Variants in RB1CC1 observed in about 807,000 individuals in gnomAD.
The protein encoded by RB1CC1 is RB1-inducible coiled-coil protein 1.
Under a neutral mutation model 177.5 loss-of-function variants are expected in RB1CC1, and 46 were observed. The observed-to-expected ratio is 0.26, with a 90% CI of 0.20 to 0.33. The LOEUF (loss-of-function observed/expected upper bound fraction) is 0.33, where lower values mean the gene tolerates loss of function less well. Ranked by LOEUF, RB1CC1 falls within the 10% of genes least tolerant of loss-of-function variation. The probability of loss-of-function intolerance (pLI) is 1.00; values close to 1 mark genes in which losing one functional copy is unlikely to be tolerated. For missense variants in RB1CC1, 1,703 were observed against 1,816.3 expected (o/e 0.94, Z 1.13); for synonymous variants, 666 against 613.6 (o/e 1.09, Z -1.26).
chr8:52,686,386 G>C (rs562599307), intron 2 of RB1CC1, among the ~76,000 whole-genome samples: 1 of 152,188 alleles, frequency 6.6e-6, no homozygotes, highest in South Asian at 2.1e-4. Context: ...TGCACAAAAT[G>C]TTTAAAAAAA....
intron 20 of RB1CC1, 29 bp downstream of exon 20, chr8:52,634,892 G>C (rs1481105389): frequency 2.6e-6 from 4 of 1,526,926 alleles, no homozygotes; most frequent in South Asian, 2.3e-5. Context: ...AAAATGTTAA[G>C]ACCAATTTAC....
intron 5 of RB1CC1, among the ~76,000 whole-genome samples, chr8:52,677,818 TAACA>T (rs879768273): frequency 1.3e-5 from 2 of 152,030 alleles, no homozygotes; most frequent in Non-Finnish European, 2.9e-5. Context: ...AATTATGAAA[TAACA>T]AATAAAATGT....
intron 1 of RB1CC1, among the ~76,000 whole-genome samples, chr8:52,690,337 G>C (rs192168594): frequency 5.3e-5 from 8 of 152,282 alleles, no homozygotes; most frequent in African/African-American, 1.9e-4. Flanking sequence ...CAAAACACGT[G>C]TATTGATATT....
intron 18 of RB1CC1, among the ~76,000 whole-genome samples, chr8:52,639,352 G>T (rs984731678): frequency 4.6e-5 from 7 of 151,906 alleles, no homozygotes; most frequent in African/African-American, 1.7e-4. Context: ...TGGTAAATAT[G>T]CAAACTACTC....
At chr8:52,644,274 T>C (rs564092584) in intron 16 of RB1CC1, among the ~76,000 whole-genome samples, 3 of 152,168 alleles carry the variant, frequency 2.0e-5, no homozygotes, top group Admixed American at 6.5e-5. Flanking sequence ...TCATGGAAAA[T>C]TGGAAGGTAC....
intron 19 of RB1CC1, 109 bp downstream of exon 19, chr8:52,635,906 G>A: frequency 7.4e-7 from 1 of 1,343,732 alleles, no homozygotes; most frequent in Non-Finnish European, 1.0e-6. Context: ...TCATAAAAAG[G>A]CTTAATTTAT....
intron 4 of RB1CC1, 57 bp from the exon 5 acceptor site, chr8:52,683,776 T>C: frequency 6.4e-7 from 1 of 1,560,054 alleles, no homozygotes. Context: ...ATACTGAGCG[T>C]GCACATTGCC....
chr8:52,708,312 C>A (rs1431056321), intron 1 of RB1CC1, among the ~76,000 whole-genome samples: 1 of 151,934 alleles, frequency 6.6e-6, no homozygotes, highest in Non-Finnish European at 1.5e-5. Flanking sequence ...GTAAGGAGAT[C>A]GAGACCATCC....
At chr8:52,646,222 G>A (rs1427249743) in intron 15 of RB1CC1, among the ~76,000 whole-genome samples, 3 of 152,044 alleles carry the variant, frequency 2.0e-5, no homozygotes, top group Non-Finnish European at 4.4e-5. Context: ...TAGCACTTTG[G>A]GAGGCCCAGG....
intron 22 of RB1CC1, among the ~76,000 whole-genome samples, chr8:52,626,587 G>A (rs1363770140): frequency 3.9e-5 from 6 of 152,132 alleles, no homozygotes; most frequent in East Asian, 3.9e-4. Flanking sequence ...TAATCTTTGC[G>A]ACGTTTTCTA....
Position 52,645,885 on chromosome 8 carries a change from G to A in RB1CC1, c.3822-18C>T. 6.4e-7 allele frequency: 1 copy of A among 1,565,698 alleles called. No individual in the cohort carries two copies. Among genetic ancestry groups the A allele is most frequent in the Non-Finnish European group, 8.6e-7 (1 of 1,165,380 alleles). ...TGGCAGGACTTACAAATTAAATACA[G>A]CATTAAATTAAAAAAAAAATTACAG... On this transcript the variant is annotated intron_variant, in intron 15 of 23. Coordinates refer to ENST00000025008, the MANE Select transcript of RB1CC1 (RefSeq NM_014781.5).
chr8:52,673,786 A>C, intron 7 of RB1CC1, 59 bp downstream of exon 7: 1 of 1,411,590 alleles, frequency 7.1e-7, no homozygotes, highest in Non-Finnish European at 9.5e-7. Context: ...TAAAATATTT[A>C]GGATAAATAA....
intron 18 of RB1CC1, among the ~76,000 whole-genome samples, chr8:52,641,477 T>C (rs1485896445): frequency 2.0e-5 from 3 of 151,932 alleles, no homozygotes; most frequent in Non-Finnish European, 4.4e-5. Context: ...TGTCTTGTTA[T>C]CATAACTGTT....
At chr8:52,711,924 C>T (rs1030142313) in intron 1 of RB1CC1, among the ~76,000 whole-genome samples, 10 of 152,156 alleles carry the variant, frequency 6.6e-5, no homozygotes, top group Admixed American at 6.5e-4. Flanking sequence ...TTCTCTTGGG[C>T]CTTTATTCAA....
At chr8:52,624,954 T>G (rs1456465947) in intron 22 of RB1CC1, among the ~76,000 whole-genome samples, 167 bp from the exon 23 acceptor site, 1 of 152,114 alleles carries the variant, frequency 6.6e-6, no homozygotes, top group African/African-American at 2.4e-5. Flanking sequence ...TTTACAAAAC[T>G]AAATTCATGT....
intron 8 of RB1CC1, among the ~76,000 whole-genome samples, chr8:52,666,614 TGCTATGTGCTTAATGTGATCAAAGA>T (rs894784283): frequency 1.3e-5 from 2 of 151,982 alleles, no homozygotes; most frequent in Non-Finnish European, 2.9e-5. Context: ...ACTTTTAAAC[TGCTATGTGCTTAATGTGATCAAAGA>T]GATGATGAAT....
At chr8:52,709,336 TA>T (rs1272578243) in intron 1 of RB1CC1, among the ~76,000 whole-genome samples, 10 of 152,248 alleles carry the variant, frequency 6.6e-5, no homozygotes, top group African/African-American at 2.4e-4. Context: ...ACATACTCAT[TA>T]AAATCTATCC....
At chr8:52,648,266 G>C (rs1258282378) in intron 15 of RB1CC1, among the ~76,000 whole-genome samples, 1 of 152,160 alleles carries the variant, frequency 6.6e-6, no homozygotes, top group East Asian at 1.9e-4. Flanking sequence ...CTGTACTGAA[G>C]ACAGGTTTCT....
intron 18 of RB1CC1, among the ~76,000 whole-genome samples, chr8:52,638,103 A>T (rs1373915644): frequency 6.6e-6 from 1 of 152,174 alleles, no homozygotes; most frequent in African/African-American, 2.4e-5. Flanking sequence ...TACACCATTG[A>T]GTATGATGTT....
Sources: gnomAD v4.1 joint callset for allele counts (sites outside exome capture counted in the v4.1 genomes callset) on GRCh38, gnomAD v4.1.1 for gene constraint, MANE v1.5 for transcripts, NCBI Gene and HGNC (gene_info 2026-07-23, HGNC 2026-07-21) for gene names.